Variants in FHIT observed in about 807,000 individuals in gnomAD.
FHIT encodes the protein bis(5'-adenosyl)-triphosphatase.
In FHIT, 19 loss-of-function variants were observed where a neutral mutation model predicts 17.9. The ratio of observed to expected loss-of-function variants is 1.06; its 90% CI spans 0.74 to 1.56. FHIT has a LOEUF of 1.56. Among genes scored for constraint, FHIT ranks in the 40% most tolerant of loss-of-function variants. The pLI is 0.00. For missense variants in FHIT, 248 were observed against 189.2 expected (o/e 1.31, Z -1.82); for synonymous variants, 81 against 69.7 (o/e 1.16, Z -0.81).
chr3:59,927,585 G>A (rs541021485), intron 7 of FHIT, among the ~76,000 whole-genome samples: 65 of 151,860 alleles, frequency 4.3e-4, no homozygotes, highest in Non-Finnish European at 8.2e-4. Flanking sequence ...GACCAACATT[G>A]TGAAACCCCG....
At chr3:60,248,023 C>T (rs1017117030) in intron 5 of FHIT, among the ~76,000 whole-genome samples, 2 of 152,072 alleles carry the variant, frequency 1.3e-5, no homozygotes, top group African/African-American at 2.4e-5. Flanking sequence ...GTTTGGAATT[C>T]GTTACTTCAG....
intron 2 of FHIT, among the ~76,000 whole-genome samples, chr3:61,142,837 T>A (rs2037124067): frequency 6.6e-6 from 1 of 152,130 alleles, no homozygotes; most frequent in Non-Finnish European, 1.5e-5. Context: ...GGGGAAAAGC[T>A]AGAAGTCTGA....
intron 5 of FHIT, among the ~76,000 whole-genome samples, chr3:60,297,426 A>G (rs1176926466): frequency 6.6e-6 from 1 of 151,910 alleles, no homozygotes; most frequent in Non-Finnish European, 1.5e-5. Flanking sequence ...TTTGGTATCT[A>G]TCTGTTGATT....
At chr3:59,827,507 A>G (rs1001527626) in intron 8 of FHIT, among the ~76,000 whole-genome samples, 2 of 152,244 alleles carry the variant, frequency 1.3e-5, no homozygotes, top group African/African-American at 4.8e-5. Flanking sequence ...AGGAATGTAT[A>G]CTAATATTCA....
chr3:60,627,661 C>T (rs1000980285), intron 4 of FHIT, among the ~76,000 whole-genome samples: 1 of 152,024 alleles, frequency 6.6e-6, no homozygotes, highest in Non-Finnish European at 1.5e-5. Flanking sequence ...GTAGCTGGGA[C>T]TACAGGCATG....
intron 2 of FHIT, among the ~76,000 whole-genome samples, chr3:61,085,733 A>G (rs958796704): frequency 2.0e-5 from 3 of 152,078 alleles, no homozygotes; most frequent in African/African-American, 7.2e-5. Flanking sequence ...GTATGTTTTC[A>G]TCTAGAAGTT....
rs960565946 is a variant in FHIT, at chr3:60,727,990, C to T, written c.-18+93929G>A. Among the ~76,000 whole-genome samples the T allele has an allele frequency of 2.0e-5, 3 of 152,090 alleles. No homozygotes were observed. In the South Asian group the frequency reaches 6.2e-4, roughly 32 times the overall value. ...CCGCACTCCAGCCTGGGCGACAGGG[C>T]GAGACTCCGTCTCAAAAATAAATAA... On this transcript the variant is annotated intron_variant, in intron 4 of 9. Transcript: ENST00000492590.
intron 5 of FHIT, among the ~76,000 whole-genome samples, chr3:60,441,754 A>AC (rs1401129617): frequency 4.3e-5 from 2 of 46,384 alleles, no homozygotes; most frequent in Non-Finnish European, 8.1e-5. Flanking sequence ...TTATATATAT[A>AC]AAAATATATA....
intron 8 of FHIT, among the ~76,000 whole-genome samples, chr3:59,921,913 T>C (rs1705423753): frequency 6.6e-6 from 1 of 152,248 alleles, no homozygotes; most frequent in Non-Finnish European, 1.5e-5. Context: ...AGTTTCACTT[T>C]GAATAAATGC....
At chr3:61,102,883 T>G (rs2035876835) in intron 2 of FHIT, among the ~76,000 whole-genome samples, 1 of 152,242 alleles carries the variant, frequency 6.6e-6, no homozygotes, top group Non-Finnish European at 1.5e-5. Context: ...TGTATTTCTG[T>G]GGGATCAGTG....
At chr3:60,164,399 C>G (rs1701066637) in intron 5 of FHIT, among the ~76,000 whole-genome samples, 1 of 152,174 alleles carries the variant, frequency 6.6e-6, no homozygotes, top group South Asian at 2.1e-4. Flanking sequence ...TGTGTCAAAT[C>G]ACACCCATCT....
intron 5 of FHIT, among the ~76,000 whole-genome samples, chr3:60,427,197 G>A (rs1337649105): frequency 4.6e-5 from 7 of 152,104 alleles, no homozygotes; most frequent in Non-Finnish European, 8.8e-5. Context: ...TTGTGAGAGG[G>A]CTTCAAGAGA....
In FHIT at chr3:60,981,302, T is replaced by C. The variant is rs1411290942; in HGVS notation, c.-111+60745A>G. On this transcript the variant is annotated intron_variant, in intron 3 of 9. Coordinates refer to ENST00000492590, the MANE Select transcript of FHIT (RefSeq NM_002012.4). Reference sequence around the variant, plus strand: ...TCTCCCCTTTCTTCCTTCCTTTTTTTTTTTTTTTTCTTTTTTTTTTTTGAC... The same window carrying C: ...TCTCCCCTTTCTTCCTTCCTTTTTTCTTTTTTTTTCTTTTTTTTTTTTGAC... Among the ~76,000 whole-genome samples the C allele has an allele frequency of 3.3e-5, 5 of 150,956 alleles. No individual in the cohort carries two copies. The East Asian group carries it at 9.7e-4, about 29-fold the overall frequency.
intron 5 of FHIT, among the ~76,000 whole-genome samples, chr3:60,176,412 A>G (rs1701672109): frequency 2.6e-5 from 4 of 152,220 alleles, no homozygotes; most frequent in Non-Finnish European, 5.9e-5. Flanking sequence ...GAGCAACTCT[A>G]TCAGATATTA....
chr3:60,069,221 A>G (rs1702653179), intron 5 of FHIT, among the ~76,000 whole-genome samples: 1 of 152,232 alleles, frequency 6.6e-6, no homozygotes, highest in Non-Finnish European at 1.5e-5. Flanking sequence ...ACGAGGAAGT[A>G]GAGAAATTTC....
chr3:60,711,870 C>T (rs543234731), intron 4 of FHIT, among the ~76,000 whole-genome samples: 8 of 152,316 alleles, frequency 5.3e-5, no homozygotes, highest in African/African-American at 1.9e-4. Flanking sequence ...TCCAGGAGAA[C>T]TTCCACAATC....
rs17062298 is a variant in FHIT, at chr3:60,134,187, T to C, written c.104-120035A>G. 5.0e-3 allele frequency among the ~76,000 whole-genome samples: 768 copies of C among 152,262 alleles called. 10 individuals carry two copies. The highest frequency in any genetic ancestry group is 0.018 in the African/African-American group (728 of 41,554). On this transcript the variant is annotated intron_variant, in intron 5 of 9. Transcript: ENST00000492590. ...AGAAATCAAGTTTAAACATAAGTAA[T>C]TGCCTAATGGAGTTGGGCCAAGGTG...
chr3:60,840,923 A>AT (rs1460009751), intron 3 of FHIT, among the ~76,000 whole-genome samples: 1 of 152,268 alleles, frequency 6.6e-6, no homozygotes, highest in African/African-American at 2.4e-5. Context: ...AAATGCAATT[A>AT]TATGAGTTAG....
intron 7 of FHIT, among the ~76,000 whole-genome samples, chr3:59,951,690 G>A (rs1175297476): frequency 1.3e-5 from 2 of 151,242 alleles, no homozygotes; most frequent in Non-Finnish European, 3.0e-5. Context: ...GAACTTTAGG[G>A]CATCTGAGAT....
Sources: gnomAD v4.1 joint callset for allele counts (sites outside exome capture counted in the v4.1 genomes callset) on GRCh38, gnomAD v4.1.1 for gene constraint, MANE v1.5 for transcripts, NCBI Gene and HGNC (gene_info 2026-07-23, HGNC 2026-07-21) for gene names.